YEATS2: variants seen among roughly 807,000 people sequenced by gnomAD.
The protein encoded by YEATS2 is YEATS domain containing 2, also known as YEATS domain-containing protein 2.
YEATS2 carries 77 observed loss-of-function variants against 163.2 expected under a neutral mutation model. The observed-to-expected ratio is 0.47, with a 90% CI of 0.39 to 0.57. The LOEUF is 0.57. Among genes scored for constraint, YEATS2 ranks in the 20% least tolerant of loss-of-function variants. The pLI is 0.00. For synonymous variants in YEATS2, 631 were observed against 645.1 expected, an observed-to-expected ratio of 0.98 and a Z score of 0.33; for missense variants, 1,549 against 1,729.8, an observed-to-expected ratio of 0.90 and a Z score of 1.85.
At chr3:183,755,991 C>T (rs1048104541) in intron 11 of YEATS2, among the ~76,000 whole-genome samples, 1 of 152,038 alleles carries the variant, frequency 6.6e-6, no homozygotes, top group Non-Finnish European at 1.5e-5. Flanking sequence ...GGTGATCCGC[C>T]TGCCTCGGCC....
chr3:183,710,313 T>G (rs1240948815), intron 1 of YEATS2, among the ~76,000 whole-genome samples: 1 of 152,248 alleles, frequency 6.6e-6, no homozygotes, highest in Non-Finnish European at 1.5e-5. Context: ...ATTGGTCATT[T>G]GTTACACATT....
intron 1 of YEATS2, among the ~76,000 whole-genome samples, chr3:183,699,938 G>A (rs1713882860): frequency 6.6e-6 from 1 of 152,164 alleles, no homozygotes. Flanking sequence ...GTGAGGAAAT[G>A]AAACTAATGA....
chr3:183,778,682 T>C (rs1723257900), intron 19 of YEATS2, among the ~76,000 whole-genome samples: 1 of 152,136 alleles, frequency 6.6e-6, no homozygotes, highest in African/African-American at 2.4e-5. Context: ...GTGATACTGG[T>C]CAGTAGTTTT....
At chr3:183,781,913 AAAT>A (rs1723598851) in intron 19 of YEATS2, among the ~76,000 whole-genome samples, 1 of 151,708 alleles carries the variant, frequency 6.6e-6, no homozygotes, top group Non-Finnish European at 1.5e-5. Context: ...AAAAAAAAAA[AAAT>A]TTTTTTTTTC....
chr3:183,755,676 T>C (rs1720648653), intron 11 of YEATS2, among the ~76,000 whole-genome samples: 3 of 151,204 alleles, frequency 2.0e-5, no homozygotes, highest in Non-Finnish European at 4.4e-5. Flanking sequence ...CATATTTTCC[T>C]ATTCAAAACA....
At chr3:183,726,094 A>G (rs1308554859) in intron 6 of YEATS2, among the ~76,000 whole-genome samples, 1 of 152,064 alleles carries the variant, frequency 6.6e-6, no homozygotes. Flanking sequence ...TGTTTTTTCA[A>G]GCTCTTTGTT....
At chr3:183,743,801 C>A (rs1274178196) in intron 8 of YEATS2, among the ~76,000 whole-genome samples, 1 of 152,090 alleles carries the variant, frequency 6.6e-6, no homozygotes, top group African/African-American at 2.4e-5. Context: ...TCACATTGTT[C>A]CCACTAATGG....
chr3:183,724,567 T>G (rs753550940), intron 6 of YEATS2, 36 bp downstream of exon 6: 2 of 1,497,026 alleles, frequency 1.3e-6, no homozygotes. Flanking sequence ...TATTTGTCCA[T>G]TTGTGTTAAT....
chr3:183,702,315 C>T (rs575700691), intron 1 of YEATS2, among the ~76,000 whole-genome samples: 7 of 151,988 alleles, frequency 4.6e-5, no homozygotes, highest in African/African-American at 7.2e-5. Flanking sequence ...TGTGGTGGTG[C>T]GTGCCTGTAA....
At position 183,776,015 on chromosome 3, in the gene YEATS2, A is replaced by G. The variant is rs1358212938; in HGVS notation, c.2469A>G (p.Thr823=). Residue 823 remains threonine (T), a synonymous_variant, in exon 18 of 31, where the codon ACA becomes ACG. Transcript: ENST00000305135. ...GTGGCAGCGGTGGAGGCGGCAGCAC[A>G]GGAGGAGGAGGAGGAACAGCAGGAG... The part of the protein sequence containing the change: ...GGSGSGGGGS[T]GGGGGTAGGG... 1.9e-6 allele frequency: 3 copies of G among 1,568,236 alleles called. No homozygotes were observed. The highest frequency in any genetic ancestry group is 1.7e-6 in the Non-Finnish European group (2 of 1,146,012).
At chr3:183,782,130 A>G (rs1204426788) in intron 19 of YEATS2, among the ~76,000 whole-genome samples, 2 of 151,938 alleles carry the variant, frequency 1.3e-5, no homozygotes, top group Non-Finnish European at 2.9e-5. Flanking sequence ...TTTTTTTGAG[A>G]CAGAGTTTCG....
chr3:183,792,613 G>A (rs1170250256), intron 21 of YEATS2, among the ~76,000 whole-genome samples: 1 of 152,120 alleles, frequency 6.6e-6, no homozygotes, highest in Non-Finnish European at 1.5e-5. Flanking sequence ...TGCTTCCCGG[G>A]TTCAAGCGAT....
At chr3:183,754,778 C>G (rs1355530876) in intron 11 of YEATS2, among the ~76,000 whole-genome samples, 1 of 152,158 alleles carries the variant, frequency 6.6e-6, no homozygotes, top group Non-Finnish European at 1.5e-5. Flanking sequence ...AATTGAAATG[C>G]TTTATTCTGT....
intron 5 of YEATS2, among the ~76,000 whole-genome samples, chr3:183,723,013 G>A (rs1175693240): frequency 6.6e-6 from 1 of 152,222 alleles, no homozygotes; most frequent in Non-Finnish European, 1.5e-5. Flanking sequence ...GCTCCTGGAT[G>A]CTGTTTACGT....
rs1725331945 is a variant in YEATS2 at position 183,798,116 on chromosome 3, G to A, written c.3226+65G>A. 10 of 1,598,506 alleles carry A rather than the reference G, an allele frequency of 6.3e-6. No homozygotes were observed. The East Asian group carries it at 1.8e-4, about 29-fold the overall frequency. ...CTCCACATCTCCCCGCATTTACCAGGTGGTGACTGCTCTGCCTGTGTACAG... is the reference window on the plus strand; with the variant it reads ...CTCCACATCTCCCCGCATTTACCAGATGGTGACTGCTCTGCCTGTGTACAG... On this transcript the variant is annotated intron_variant, in intron 22 of 30. Transcript: ENST00000305135.
chr3:183,766,300 G>A (rs1171116909), intron 15 of YEATS2, among the ~76,000 whole-genome samples: 1 of 152,188 alleles, frequency 6.6e-6, no homozygotes, highest in Non-Finnish European at 1.5e-5. Flanking sequence ...CAGAGCAAGT[G>A]CTCAGTAAAT....
intron 1 of YEATS2, among the ~76,000 whole-genome samples, chr3:183,705,429 CTGTT>C (rs1434063023): frequency 6.6e-6 from 1 of 152,018 alleles, no homozygotes; most frequent in Non-Finnish European, 1.5e-5. Context: ...TTTCCTTTTT[CTGTT>C]TGTTGTATGT....
chr3:183,809,392 C>T lies in YEATS2; in HGVS notation c.4160+222C>T, dbSNP rs142098778. The T allele has an allele frequency of 3.3e-5, 16 of 483,036 alleles. No individual in the cohort carries two copies. The East Asian group carries it at 4.9e-4, about 15-fold the overall frequency. 29.9% of individuals were successfully genotyped at this position (483,036 alleles called of 1,614,324 possible). A position where few individuals can be genotyped will look rare whatever the true frequency, so the allele number is the denominator to read the frequency against. On this transcript the variant is annotated intron_variant, in intron 30 of 30. Coordinates refer to ENST00000305135, the MANE Select transcript of YEATS2 (RefSeq NM_018023.5). Reference sequence around the variant, plus strand: ...GCTTTGCTCAGAGGTTTATATCCTCCTCATTACTTCACAGACACCTAGGAC... The same window carrying T: ...GCTTTGCTCAGAGGTTTATATCCTCTTCATTACTTCACAGACACCTAGGAC...
chr3:183,702,145 T>C (rs564715342), intron 1 of YEATS2, among the ~76,000 whole-genome samples: 4 of 152,142 alleles, frequency 2.6e-5, no homozygotes, highest in Admixed American at 6.5e-5. Flanking sequence ...ACAGATGATA[T>C]GGAAACAATC....
Sources: allele counts gnomAD v4.1 joint callset (sites outside exome capture counted in the v4.1 genomes callset), GRCh38; gene constraint gnomAD v4.1.1; transcripts MANE v1.5; gene names NCBI Gene and HGNC (gene_info 2026-07-23, HGNC 2026-07-21).